Variants in CARM1 observed in about 807,000 individuals in gnomAD.
CARM1 encodes the protein histone-arginine methyltransferase CARM1.
In CARM1, 14 loss-of-function variants were observed where a neutral mutation model predicts 72.7. The ratio of observed to expected loss-of-function variants is 0.19; its 90% confidence interval spans 0.13 to 0.30. The LOEUF (loss-of-function observed/expected upper bound fraction) is 0.30, where lower values mean the gene tolerates loss of function less well. CARM1 is among the 10% of genes least tolerant of loss of function. The pLI is 1.00. For synonymous variants in CARM1, 333 were observed against 345.5 expected (o/e 0.96, Z 0.40); for missense variants, 432 against 833.7 (o/e 0.52, Z 5.93).
rs2073818783 is a variant in CARM1, at chr19:10,871,691, G to A, written c.-12G>A. 2.5e-6 allele frequency: 2 copies of A among 789,116 alleles called. No homozygotes were observed. The highest frequency in any genetic ancestry group is 3.1e-6 in the Non-Finnish European group (2 of 652,764). 48.9% of individuals were successfully genotyped at this position (789,116 alleles called of 1,614,324 possible). On this transcript the variant is annotated 5_prime_UTR_variant, in exon 1 of 16. Coordinates refer to ENST00000327064, the MANE Select transcript of CARM1 (RefSeq NM_199141.2). The surrounding 1 kb of genome is among the most constrained non-coding windows in gnomAD (Gnocchi z 5.6). ...AGCGGCGGCGGCGGCGGGGCCTGGA[G>A]CCGGATCTAAGATGGCAGCGGCGGC...
At chr19:10,885,215 G>A (rs1347020708) in intron 1 of CARM1, among the ~76,000 whole-genome samples, 4 of 152,190 alleles carry the variant, frequency 2.6e-5, no homozygotes, top group East Asian at 1.9e-4. Flanking sequence ...GCCAGGCGGG[G>A]CATTCTTGTA....
intron 2 of CARM1, 113 bp downstream of exon 2, chr19:10,905,189 C>T (rs894864200): frequency 1.5e-6 from 2 of 1,299,828 alleles, no homozygotes; most frequent in African/African-American, 1.5e-5. Context: ...AAGAAGGCTC[C>T]ACTGCCCTCA....
intron 1 of CARM1, among the ~76,000 whole-genome samples, chr19:10,895,025 G>A (rs2074014334): frequency 6.6e-6 from 1 of 152,068 alleles, no homozygotes; most frequent in South Asian, 2.1e-4. Flanking sequence ...GATTACAGGC[G>A]GGAGCCACTG....
rs962989527 is a variant in CARM1 at position 10,886,555 on chromosome 19, C to T, written c.220+14633C>T. ...CTTTTTTAGAGATGGGGGCTGGGTG[C>T]GGTGGCTCACGCCTGTAATCCCAGC... On this transcript the variant is annotated intron_variant, in intron 1 of 15. Transcript: ENST00000327064. Among the ~76,000 whole-genome samples, 74 of 147,366 alleles carry T rather than the reference C, an allele frequency of 5.0e-4. 1 individual carries two copies. Among genetic ancestry groups the T allele is most frequent in the African/African-American group, 1.5e-3 (60 of 40,206 alleles).
rs527311689 is a variant in CARM1, at chr19:10,915,573, G to T, written c.848-834G>T. On this transcript the variant is annotated intron_variant, in intron 6 of 15. Transcript: ENST00000327064. This position sits in a 1 kb window ranked among gnomAD's most constrained non-coding sequence, Gnocchi z 4.6. Reference sequence around the variant, plus strand: ...CCCCAGGTCCCCCAGGGCAGAAGCCGCAGCATGTGCATCTCCCTCCCCGTT... The same window carrying T: ...CCCCAGGTCCCCCAGGGCAGAAGCCTCAGCATGTGCATCTCCCTCCCCGTT... 1.1e-4 allele frequency among the ~76,000 whole-genome samples: 16 copies of T among 152,224 alleles called. No homozygotes were observed. In the South Asian group the frequency reaches 2.1e-3, roughly 20 times the overall value.
chr19:10,917,423 G>T (rs550821228), intron 8 of CARM1, among the ~76,000 whole-genome samples: 3 of 152,030 alleles, frequency 2.0e-5, no homozygotes, highest in Non-Finnish European at 2.9e-5. Flanking sequence ...CTTGCAGTGA[G>T]CCGAGATCGC....
intron 1 of CARM1, among the ~76,000 whole-genome samples, chr19:10,883,721 T>G (rs2073919037): frequency 6.6e-6 from 1 of 152,190 alleles, no homozygotes; most frequent in African/African-American, 2.4e-5. Flanking sequence ...GGCTGGCTAA[T>G]TTTTTAAAAA....
intron 6 of CARM1, among the ~76,000 whole-genome samples, chr19:10,914,310 C>T (rs2304089): frequency 0.24 from 37,231 of 152,170 alleles, 4,668 homozygotes; most frequent in Middle Eastern, 0.33. Context: ...GCACCTCTGC[C>T]GTCCCATGTC....
intron 1 of CARM1, among the ~76,000 whole-genome samples, chr19:10,895,454 AC>A (rs1231963873): frequency 6.6e-6 from 1 of 152,234 alleles, no homozygotes; most frequent in African/African-American, 2.4e-5. Context: ...CCCAGGTCTA[AC>A]GAGCCTCAAG....
intron 1 of CARM1, among the ~76,000 whole-genome samples, chr19:10,892,941 G>C (rs1307278035): frequency 6.6e-6 from 1 of 152,112 alleles, no homozygotes; most frequent in Non-Finnish European, 1.5e-5. Context: ...CACCATGTTG[G>C]CCAGGCTGGT....
chr19:10,872,226 A>C (rs2073824371), intron 1 of CARM1, among the ~76,000 whole-genome samples: 1 of 111,076 alleles, frequency 9.0e-6, no homozygotes, highest in Non-Finnish European at 1.8e-5. Context: ...TCTGAGTGGA[A>C]GGGGAATTTG....
chr19:10,872,949 C>T (rs919292590), intron 1 of CARM1, among the ~76,000 whole-genome samples: 2 of 152,078 alleles, frequency 1.3e-5, no homozygotes, highest in African/African-American at 4.8e-5. Flanking sequence ...AAGGAAAGCC[C>T]GAGGAGCAGT....
Position 10,920,622 on chromosome 19 carries a change from C to G in CARM1, c.1335-37C>G. Reference sequence around the variant, plus strand: ...TGGTGGTGGGCAGGGGTCCATCTGCCCAGCAGCTCATGCCACGGCCTGCAC... The same window carrying G: ...TGGTGGTGGGCAGGGGTCCATCTGCGCAGCAGCTCATGCCACGGCCTGCAC... On this transcript the variant is annotated intron_variant, in intron 11 of 15. Coordinates refer to ENST00000327064, the MANE Select transcript of CARM1 (RefSeq NM_199141.2). This position sits in a 1 kb window ranked among gnomAD's most constrained non-coding sequence, Gnocchi z 5.3. 6.2e-7 allele frequency: 1 copy of G among 1,614,028 alleles called. No homozygotes were observed. Among genetic ancestry groups the G allele is most frequent in the Non-Finnish European group, 8.5e-7 (1 of 1,179,938 alleles).
In CARM1 at chr19:10,919,684, C is replaced by A; in HGVS notation, c.1106+4C>A. On this transcript the variant is annotated splice_donor_region_variant and intron_variant, in intron 9 of 15. Coordinates refer to ENST00000327064, the MANE Select transcript of CARM1 (RefSeq NM_199141.2). The stretch of plus-strand genomic sequence containing the variant: ...CCAAAGAAGGAGATTTGCACAGGTA[C>A]TGGCACCCACACTCCATCCTCCCAG... 6.2e-7 allele frequency: 1 copy of A among 1,608,020 alleles called. No homozygotes were observed. The highest frequency in any genetic ancestry group is 8.5e-7 in the Non-Finnish European group (1 of 1,174,424).
At position 10,920,141 on chromosome 19, in the gene CARM1, TG is replaced by T. The variant is rs1020332798; in HGVS notation, c.1196+176del. 4.0e-5 allele frequency among the ~76,000 whole-genome samples: 6 copies of T among 151,508 alleles called. No homozygotes were observed. In the South Asian group the frequency reaches 6.3e-4, roughly 16 times the overall value. ...TGGGTGGGGTGTGTGTGTGTGTGTGTGTATGTGTGTGTGTGTCCTGTGTTCC... is the reference window on the plus strand; with the variant it reads ...TGGGTGGGGTGTGTGTGTGTGTGTGTTATGTGTGTGTGTGTCCTGTGTTCC... On this transcript the variant is annotated intron_variant, in intron 10 of 15. Coordinates refer to ENST00000327064, the MANE Select transcript of CARM1 (RefSeq NM_199141.2). The surrounding 1 kb of genome is among the most constrained non-coding windows in gnomAD (Gnocchi z 5.3).
intron 1 of CARM1, among the ~76,000 whole-genome samples, chr19:10,875,659 C>T (rs891598361): frequency 2.0e-5 from 3 of 151,980 alleles, no homozygotes; most frequent in Non-Finnish European, 2.9e-5. Context: ...CTCCTGACCT[C>T]GTGATCTGCC....
rs2073818023 is a variant in CARM1 at position 10,871,657 on chromosome 19, C to CGG, written c.-46_-45insGG. On this transcript the variant is annotated 5_prime_UTR_variant, in exon 1 of 16. Transcript: ENST00000327064. The surrounding 1 kb of genome is among the most constrained non-coding windows in gnomAD (Gnocchi z 5.6). ...GCGGCGGCAGCGGCGGCGGCCTGGG[C>CGG]CCGGGCGCAGCGGCGGCGGCGGCGG... is the stretch of plus-strand genomic sequence containing the variant. The CGG allele has an allele frequency of 2.4e-6, 1 of 420,922 alleles. No individual in the cohort carries two copies. Among genetic ancestry groups the CGG allele is most frequent in the African/African-American group, 2.3e-5 (1 of 43,290 alleles). The allele number at this position is 420,922 out of a possible 1,614,324, so 26.1% of individuals were successfully genotyped here.
chr19:10,878,990 A>G (rs780519187), intron 1 of CARM1, among the ~76,000 whole-genome samples: 1 of 152,126 alleles, frequency 6.6e-6, no homozygotes, highest in Non-Finnish European at 1.5e-5. Flanking sequence ...TATTTTTAGT[A>G]GAGACGGGGT....
intron 8 of CARM1, chr19:10,919,283 T>C (rs2074221701): frequency 3.4e-6 from 1 of 298,350 alleles, no homozygotes; most frequent in African/African-American, 2.2e-5. Flanking sequence ...TTAGATGGTT[T>C]CCAGTGTGTC....
Sources: allele counts gnomAD v4.1 joint callset (sites outside exome capture counted in the v4.1 genomes callset), GRCh38; gene constraint gnomAD v4.1.1; non-coding constraint Gnocchi (gnomAD v3.1); transcripts MANE v1.5; gene names NCBI Gene and HGNC (gene_info 2026-07-23, HGNC 2026-07-21).